The following CEP85L variants were observed in gnomAD, a reference collection of about 807,000 sequenced individuals.
CEP85L encodes the protein centrosomal protein of 85 kDa-like.
In CEP85L, 60 loss-of-function variants were observed where a neutral mutation model predicts 100.3. The observed-to-expected ratio is 0.60, with a 90% CI of 0.49 to 0.74. The LOEUF is 0.74. Ranked by LOEUF, CEP85L falls within the 30% of genes least tolerant of loss-of-function variation. The pLI, the probability that CEP85L is intolerant of heterozygous loss-of-function variation, is 0.00. For missense variants in CEP85L, 973 were observed against 936.2 expected (o/e 1.04, Z -0.51); for synonymous variants, 319 against 322.7 (o/e 0.99, Z 0.12).
chr6:118,471,038 A>G (rs1407912436), intron 10 of CEP85L, among the ~76,000 whole-genome samples: 2 of 152,072 alleles, frequency 1.3e-5, no homozygotes, highest in Non-Finnish European at 2.9e-5. Context: ...CATTTTGCTT[A>G]CAGTTAATGA....
chr6:118,659,714 T>C (rs548854054), intron 1 of CEP85L, among the ~76,000 whole-genome samples: 1 of 152,338 alleles, frequency 6.6e-6, no homozygotes, highest in African/African-American at 2.4e-5. Flanking sequence ...CCTTCTTTGC[T>C]CACCCTTGAA....
chr6:118,465,189 T>C lies in CEP85L; in HGVS notation c.*216A>G, dbSNP rs1772426430. 2.1e-6 allele frequency: 1 copy of C among 472,672 alleles called. No homozygotes were observed. Among genetic ancestry groups the C allele is most frequent in the Non-Finnish European group, 3.7e-6 (1 of 268,138 alleles). 29.3% of individuals were successfully genotyped at this position (472,672 alleles called of 1,614,324 possible). On this transcript the variant is annotated 3_prime_UTR_variant, in exon 13 of 13. Transcript: ENST00000368491. ...GACATTTTTTTCCTTGTAGATTTTA[T>C]CATATTTTCCAAAGGTAATTTGATT...
intron 4 of CEP85L, among the ~76,000 whole-genome samples, chr6:118,516,728 T>G (rs1397568352): frequency 6.6e-6 from 1 of 152,230 alleles, no homozygotes; most frequent in Non-Finnish European, 1.5e-5. Context: ...TTTCTTTTGC[T>G]GTGCAGAAGC....
At chr6:118,675,631 A>C (rs1776458594) in intron 1 of CEP85L, among the ~76,000 whole-genome samples, 1 of 152,016 alleles carries the variant, frequency 6.6e-6, no homozygotes, top group South Asian at 2.1e-4. Context: ...AGCTGGGCAC[A>C]GTGGCTAACC....
intron 2 of CEP85L, among the ~76,000 whole-genome samples, chr6:118,617,296 T>A (rs1748152739): frequency 6.6e-6 from 1 of 152,136 alleles, no homozygotes. Flanking sequence ...ACAGCGAGAA[T>A]TTTAGGTGTA....
intron 10 of CEP85L, among the ~76,000 whole-genome samples, chr6:118,478,079 A>G (rs995223452): frequency 1.6e-4 from 25 of 152,252 alleles, no homozygotes; most frequent in African/African-American, 5.1e-4. Flanking sequence ...TGTATTAGGT[A>G]TATCAGCTTG....
intron 2 of CEP85L, among the ~76,000 whole-genome samples, chr6:118,614,410 C>T (rs975455419): frequency 1.3e-5 from 2 of 152,178 alleles, no homozygotes; most frequent in Admixed American, 6.5e-5. Context: ...AAACAAAAGG[C>T]ACACAAATCA....
intron 1 of CEP85L, among the ~76,000 whole-genome samples, chr6:118,709,520 A>G (rs545826946): frequency 3.7e-5 from 1 of 27,288 alleles, no homozygotes; most frequent in South Asian, 1.1e-3. Flanking sequence ...GATAACCAGT[A>G]ACAACAATTG....
intron 1 of CEP85L, chr6:118,646,895 T>G: frequency 3.1e-6 from 3 of 978,638 alleles, no homozygotes; most frequent in Non-Finnish European, 3.6e-6. Context: ...ACAATAGAGG[T>G]TATCAACTCA....
At chr6:118,617,164 C>T (rs1307538993) in intron 2 of CEP85L, among the ~76,000 whole-genome samples, 1 of 152,176 alleles carries the variant, frequency 6.6e-6, no homozygotes, top group Non-Finnish European at 1.5e-5. Flanking sequence ...GTAAAACTCA[C>T]TCATTTCCTG....
chr6:118,488,048 C>T (rs1774304939), intron 6 of CEP85L, among the ~76,000 whole-genome samples: 1 of 151,946 alleles, frequency 6.6e-6, no homozygotes, highest in African/African-American at 2.4e-5. Context: ...TATGAAAAGC[C>T]CCCCTCTCTC....
chr6:118,597,319 AACTCAGGAT>A (rs1781507637), intron 2 of CEP85L, among the ~76,000 whole-genome samples: 4 of 152,204 alleles, frequency 2.6e-5, no homozygotes, highest in Non-Finnish European at 5.9e-5. Context: ...TCATGCCTTA[AACTCAGGAT>A]TCTTTTCCAT....
chr6:118,472,360 G>T (rs954688993), intron 10 of CEP85L, among the ~76,000 whole-genome samples: 1 of 152,078 alleles, frequency 6.6e-6, no homozygotes, highest in Non-Finnish European at 1.5e-5. Flanking sequence ...TGCTTGAGTT[G>T]AAGGGCAGTT....
chr6:118,488,997 G>A (rs1272275649), intron 6 of CEP85L, among the ~76,000 whole-genome samples: 2 of 152,186 alleles, frequency 1.3e-5, no homozygotes, highest in Non-Finnish European at 2.9e-5. Flanking sequence ...GCTGGGTGTA[G>A]TGGCTCACTC....
chr6:118,651,884 G>T, upstream of CEP85L: 20 of 985,486 alleles, frequency 2.0e-5, no homozygotes, highest in Non-Finnish European at 2.3e-5. Flanking sequence ...AATCCCTCAC[G>T]CCCTCCCTCC....
intron 1 of CEP85L, among the ~76,000 whole-genome samples, chr6:118,692,819 T>C (rs1777089898): frequency 1.2e-5 from 1 of 84,550 alleles, no homozygotes; most frequent in Admixed American, 1.0e-4. Context: ...TTCACGGATT[T>C]TTGCTGGCAG....
In CEP85L at chr6:118,600,300, G is replaced by GGGGGGGTGT. The variant is rs1562297733; in HGVS notation, c.232+32152_232+32153insACACCCCCC. ...CTGCCTGTCCCTGAGCCTTCCTGGG[G>GGGGGGGTGT]GTGTGTGTGTGTGTGTGTGTGTGTG... On this transcript the variant is annotated intron_variant, in intron 2 of 12. Transcript: ENST00000368491. 4.4e-4 allele frequency among the ~76,000 whole-genome samples: 23 copies of GGGGGGGTGT among 52,242 alleles called. 2 individuals are homozygous for GGGGGGGTGT. The highest frequency in any genetic ancestry group is 1.2e-3 in the East Asian group (2 of 1,682). 34.3% of individuals were successfully genotyped at this position (52,242 alleles called of 152,430 possible). A position where few individuals can be genotyped will look rare whatever the true frequency, so the allele number is the denominator to read the frequency against.
At chr6:118,511,166 C>T in intron 5 of CEP85L, 132 bp downstream of exon 5, 1 of 645,082 alleles carries the variant, frequency 1.6e-6, no homozygotes. Flanking sequence ...CTCTTTGCCA[C>T]ACATATAAAT....
chr6:118,653,749 A>ATGTGTGTGTG (rs61103713), upstream of CEP85L, among the ~76,000 whole-genome samples: 5 of 148,162 alleles, frequency 3.4e-5, no homozygotes, highest in African/African-American at 1.2e-4. Context: ...GACTCTGTGT[A>ATGTGTGTGTG]TGTGTGTGTG....
Sources: gnomAD v4.1 joint callset for allele counts (sites outside exome capture counted in the v4.1 genomes callset) on GRCh38, gnomAD v4.1.1 for gene constraint, MANE v1.5 for transcripts, NCBI Gene and HGNC (gene_info 2026-07-23, HGNC 2026-07-21) for gene names.